ENTPD6: variants seen among roughly 807,000 people sequenced by gnomAD.
ENTPD6 encodes ectonucleoside triphosphate diphosphohydrolase 6, also known as CD39 antigen-like 2.
Under a neutral mutation model 61.5 loss-of-function variants are expected in ENTPD6, and 46 were observed. That is an observed-to-expected ratio of 0.75 (90% CI 0.59 to 0.96). The LOEUF (loss-of-function observed/expected upper bound fraction) is 0.96. Among genes scored for constraint, ENTPD6 ranks in the 40% least tolerant of loss-of-function variants. The pLI, the probability that ENTPD6 is intolerant of heterozygous loss-of-function variation, is 0.00. For synonymous variants in ENTPD6, 252 were observed against 255.5 expected, an observed-to-expected ratio of 0.99 and a Z score of 0.13; for missense variants, 612 against 629.0, an observed-to-expected ratio of 0.97 and a Z score of 0.29.
At chr20:25,202,303 G>A (rs2091108685) in intron 1 of ENTPD6, among the ~76,000 whole-genome samples, 1 of 152,204 alleles carries the variant, frequency 6.6e-6, no homozygotes, top group African/African-American at 2.4e-5. Context: ...TGTTGTTTGA[G>A]GGTCAGCTGT....
intron 8 of ENTPD6, 81 bp from the exon 9 acceptor site, chr20:25,217,421 T>G (rs998855353): frequency 2.2e-6 from 3 of 1,347,164 alleles, no homozygotes; most frequent in Non-Finnish European, 1.1e-6. Flanking sequence ...CCATCCCCTT[T>G]CTTTCAAATG....
At chr20:25,197,829 G>A (rs183236228) in intron 1 of ENTPD6, among the ~76,000 whole-genome samples, 1 of 152,334 alleles carries the variant, frequency 6.6e-6, no homozygotes, top group East Asian at 1.9e-4. Flanking sequence ...CAGTAATTAT[G>A]TCTATGTAAG....
intron 9 of ENTPD6, among the ~76,000 whole-genome samples, chr20:25,218,022 G>T (rs1003777952): frequency 2.9e-5 from 4 of 137,802 alleles, no homozygotes; most frequent in African/African-American, 1.2e-4. Context: ...ATCCTTTAAT[G>T]TGTCTACAGT....
At chr20:25,219,019 C>G (rs1387608838) in intron 10 of ENTPD6, among the ~76,000 whole-genome samples, 1 of 152,222 alleles carries the variant, frequency 6.6e-6, no homozygotes, top group Non-Finnish European at 1.5e-5. Context: ...GTAGCTGGGA[C>G]TACAGATGTG....
intron 1 of ENTPD6, among the ~76,000 whole-genome samples, chr20:25,203,448 T>C (rs1044907784): frequency 3.3e-5 from 5 of 152,242 alleles, no homozygotes; most frequent in African/African-American, 4.8e-5. Context: ...GAGGCTCTGC[T>C]CACTTTCCTC....
At chr20:25,212,562 A>G (rs1017961278) in intron 4 of ENTPD6, among the ~76,000 whole-genome samples, 2 of 152,190 alleles carry the variant, frequency 1.3e-5, no homozygotes, top group Non-Finnish European at 2.9e-5. Flanking sequence ...AAAAATATTT[A>G]TAGAAGCAAA....
Position 25,222,848 on chromosome 20 carries a change from G to A in ENTPD6, c.1056G>A (p.Leu352=), listed in dbSNP as rs763626429. 1.9e-6 allele frequency: 3 copies of A among 1,613,910 alleles called. No individual in the cohort carries two copies. The highest frequency in any genetic ancestry group is 1.7e-5 in the Admixed American group (1 of 60,024). Residue 352 remains leucine (L), a synonymous_variant, in exon 12 of 15, where the codon CTG becomes CTA. Transcript: ENST00000376652. ...TGTGCTTGTCCCCAGCGGCAAGCCT[G>A]CACGAGCTGTGTGCTGCCAGAGTGT... ...RVSGQKAAAS[L]HELCAARVSE...
intron 6 of ENTPD6, 100 bp downstream of exon 6, chr20:25,215,042 T>C (rs2092238826): frequency 1.3e-6 from 1 of 769,628 alleles, no homozygotes; most frequent in Non-Finnish European, 2.3e-6. Flanking sequence ...CCCCGCCCCA[T>C]GTGGGAGCCT....
rs1412560409 is a variant in ENTPD6, at chr20:25,215,700, A to G, written c.698A>G (p.Asn233Ser). Reference sequence around the variant, plus strand: ...GGCGTTTCGGCGTGGATCACCATCAACTTCCTGACAGGTGTGTGCACACTG... The same window carrying G: ...GGCGTTTCGGCGTGGATCACCATCAGCTTCCTGACAGGTGTGTGCACACTG... ...DEGVSAWITI[N>S]FLTGSLKTPG... Residue 233 changes from asparagine to serine, a missense_variant, in exon 7 of 15, where the codon AAC becomes AGC. Coordinates refer to ENST00000376652, the MANE Select transcript of ENTPD6 (RefSeq NM_001247.5). 4.3e-6 allele frequency: 7 copies of G among 1,614,120 alleles called. No homozygotes were observed. The highest frequency in any genetic ancestry group is 1.3e-5 in the African/African-American group (1 of 74,950).
At chr20:25,209,601 A>G (rs1262655841) in intron 3 of ENTPD6, among the ~76,000 whole-genome samples, 1 of 150,486 alleles carries the variant, frequency 6.6e-6, no homozygotes, top group Non-Finnish European at 1.5e-5. Context: ...AATAATTATA[A>G]TAAATAATAA....
chr20:25,217,655 C>G (rs1284485523), intron 9 of ENTPD6, 74 bp downstream of exon 9: 6 of 1,286,480 alleles, frequency 4.7e-6, no homozygotes, highest in Non-Finnish European at 6.8e-6. Flanking sequence ...GCATGGCCCT[C>G]TTGAGGTCAT....
chr20:25,205,649 G>T (rs2091426839), intron 1 of ENTPD6, among the ~76,000 whole-genome samples: 1 of 152,232 alleles, frequency 6.6e-6, no homozygotes. Context: ...CACCTGCCAG[G>T]AGAGGCTTTT....
chr20:25,213,171 G>A (rs986525737), intron 4 of ENTPD6, 92 bp from the exon 5 acceptor site: 306 of 1,510,466 alleles, frequency 2.0e-4, no homozygotes, highest in Non-Finnish European at 2.6e-4. Context: ...TCTGTCTCCA[G>A]AAACCAAAAA....
In ENTPD6 at chr20:25,207,381, C is replaced by G; in HGVS notation, c.360C>G (p.Phe120Leu). ...GCACCCGAGTACACGTCTTCCAGTTCACCCGGCCCCCCAGAGGTACCCGCC... is the reference window on the plus strand; with the variant it reads ...GCACCCGAGTACACGTCTTCCAGTTGACCCGGCCCCCCAGAGGTACCCGCC... ...STGTRVHVFQFTRPPRETPTL... is the reference protein window; with the variant it reads ...STGTRVHVFQLTRPPRETPTL... The change falls in exon 3 of 15, where the codon TTC becomes TTG. Residue 120 changes from phenylalanine to leucine, a missense_variant. By Grantham distance (22) the Phe-to-Leu change is conservative. Transcript: ENST00000376652. 1.3e-6 allele frequency: 2 copies of G among 1,534,982 alleles called. No homozygotes were observed. Among genetic ancestry groups the G allele is most frequent in the Non-Finnish European group, 1.8e-6 (2 of 1,136,346 alleles).
chr20:25,219,592 C>T (rs1345662508), intron 10 of ENTPD6, among the ~76,000 whole-genome samples: 4 of 152,318 alleles, frequency 2.6e-5, no homozygotes, highest in South Asian at 4.1e-4. Flanking sequence ...GGCTGGGGCA[C>T]GGCCCTGAGG....
chr20:25,211,497 G>A (rs1233460911), intron 4 of ENTPD6, among the ~76,000 whole-genome samples: 1 of 152,196 alleles, frequency 6.6e-6, no homozygotes, highest in African/African-American at 2.4e-5. Context: ...TGGTTGATGT[G>A]TATGTAAACA....
chr20:25,215,491 C>T (rs775077330), intron 6 of ENTPD6, among the ~76,000 whole-genome samples, 185 bp from the exon 7 acceptor site: 22 of 152,180 alleles, frequency 1.4e-4, no homozygotes, highest in African/African-American at 3.4e-4. Context: ...TCAGGACAGT[C>T]GGCCATAGCT....
chr20:25,212,106 G>C (rs528993225), intron 4 of ENTPD6, among the ~76,000 whole-genome samples: 1 of 152,302 alleles, frequency 6.6e-6, no homozygotes, highest in Admixed American at 6.5e-5. Flanking sequence ...TGGATAGGAG[G>C]AACGTGTTTT....
At chr20:25,207,053 T>C in intron 2 of ENTPD6, 23 bp from the exon 3 acceptor site, 1 of 1,579,896 alleles carries the variant, frequency 6.3e-7, no homozygotes, top group East Asian at 2.3e-5. Context: ...GTGCTTTTCC[T>C]GCCTCTCCCC....
Sources: gnomAD v4.1 joint callset for allele counts (sites outside exome capture counted in the v4.1 genomes callset) on GRCh38, gnomAD v4.1.1 for gene constraint, MANE v1.5 for transcripts, NCBI Gene and HGNC (gene_info 2026-07-23, HGNC 2026-07-21) for gene names.